AKNA: variants seen among roughly 807,000 people sequenced by gnomAD.
AKNA encodes the protein AT-hook transcription factor, also known as microtubule organization protein AKNA.
Under a neutral mutation model 138.8 loss-of-function variants are expected in AKNA, and 67 were observed. The ratio of observed to expected loss-of-function variants is 0.48; its 90% CI spans 0.40 to 0.59. The LOEUF is 0.59. Among genes scored for constraint, AKNA ranks in the 20% least tolerant of loss-of-function variants. AKNA has a pLI of 0.00. For missense variants in AKNA, 1,813 were observed against 1,880.4 expected, an observed-to-expected ratio of 0.96 and a Z score of 0.66; for synonymous variants, 737 against 754.4, an observed-to-expected ratio of 0.98 and a Z score of 0.38.
intron 21 of AKNA, among the ~76,000 whole-genome samples, chr9:114,337,948 G>A (rs528139230): frequency 9.0e-4 from 137 of 152,316 alleles, no homozygotes; most frequent in Non-Finnish European, 1.6e-3. Flanking sequence ...CCATTGAGAT[G>A]AAGCACGGAT....
chr9:114,344,335 G>A (rs558207750), intron 18 of AKNA: 27 of 155,850 alleles, frequency 1.7e-4, no homozygotes, highest in Non-Finnish European at 2.7e-4. Flanking sequence ...AGAACTGAAC[G>A]GGGCCGTATC....
At chr9:114,357,013 G>C in intron 12 of AKNA, 44 bp from the exon 13 acceptor site, 1 of 1,531,606 alleles carries the variant, frequency 6.5e-7, no homozygotes. Flanking sequence ...ATGTGTCCAA[G>C]GCACACTGGG....
chr9:114,379,877 A>G (rs908398016), intron 2 of AKNA, among the ~76,000 whole-genome samples: 2 of 152,346 alleles, frequency 1.3e-5, no homozygotes, highest in Non-Finnish European at 1.5e-5. Context: ...ATGTCCAGGC[A>G]TGACGGCTCG....
At position 114,376,874 on chromosome 9, in the gene AKNA, G is replaced by T. The variant is rs776996904; in HGVS notation, c.933C>A (p.Phe311Leu). 6.2e-7 allele frequency: 1 copy of T among 1,614,178 alleles called. No homozygotes were observed. The highest frequency in any genetic ancestry group is 1.3e-5 in the African/African-American group (1 of 75,068). The change falls in exon 3 of 22, where the codon TTC becomes TTA. Residue 311 changes from phenylalanine to leucine, a missense_variant. Coordinates refer to ENST00000374088, the MANE Select transcript of AKNA (RefSeq NM_001317950.2). Reference protein sequence around the residue: ...KTSPKPLPSRFIGSISPLNPQ... With the variant: ...KTSPKPLPSRLIGSISPLNPQ... ...GATTCAGGGGGCTGATGGAGCCAAT[G>T]AATCGGGAAGGGAGTGGCTTAGGTG...
At chr9:114,355,177 C>CTTTTTTT (rs901443083) in intron 14 of AKNA, among the ~76,000 whole-genome samples, 2 of 102,122 alleles carry the variant, frequency 2.0e-5, no homozygotes, top group African/African-American at 7.7e-5. Context: ...CTGTACTGTA[C>CTTTTTTT]TTTTTTTTTT....
At chr9:114,390,962 G>A (rs1834311907), upstream of AKNA, among the ~76,000 whole-genome samples, 1 of 152,188 alleles carries the variant, frequency 6.6e-6, no homozygotes, top group South Asian at 2.1e-4. Flanking sequence ...GCTCTGTGAG[G>A]CTCTCATCAT....
intron 2 of AKNA, among the ~76,000 whole-genome samples, chr9:114,380,203 T>C (rs981175477): frequency 1.3e-5 from 2 of 151,862 alleles, no homozygotes; most frequent in African/African-American, 4.8e-5. Context: ...GACTAAGTAA[T>C]TCAAATTACC....
chr9:114,375,842 G>A (rs1326661271), intron 3 of AKNA: 1 of 375,918 alleles, frequency 2.7e-6, no homozygotes, highest in Non-Finnish European at 5.3e-6. Context: ...CTTGAAACAC[G>A]AGTACAATCA....
chr9:114,393,022 G>A (rs1834405803), intron 1 of AKNA, among the ~76,000 whole-genome samples: 1 of 152,044 alleles, frequency 6.6e-6, no homozygotes, highest in South Asian at 2.1e-4. Context: ...TGCCAGGAAG[G>A]GACTGCTAAC....
chr9:114,358,204 C>G (rs1831650185), intron 11 of AKNA, 37 bp from the exon 12 acceptor site: 1 of 1,611,648 alleles, frequency 6.2e-7, no homozygotes, highest in Non-Finnish European at 8.5e-7. Flanking sequence ...TGAGTTCTGC[C>G]AGGCAGCCCT....
rs182662272 is a variant in AKNA at position 114,356,847 on chromosome 9, C to A, written c.2846+16G>T. ...GAATGTGGCACTGACGGGACAATGG[C>A]GGGATCCCGGGATACCTGATGTGGG... On this transcript the variant is annotated intron_variant, in intron 13 of 21. Transcript: ENST00000374088. The A allele has an allele frequency of 2.6e-6, 4 of 1,528,856 alleles. No individual in the cohort carries two copies. Among genetic ancestry groups the A allele is most frequent in the Middle Eastern group, 3.6e-4 (2 of 5,536 alleles). 94.7% of individuals were successfully genotyped at this position (1,528,856 alleles called of 1,614,324 possible).
intron 6 of AKNA, among the ~76,000 whole-genome samples, chr9:114,365,523 G>C (rs1832280735): frequency 6.6e-6 from 1 of 152,030 alleles, no homozygotes; most frequent in South Asian, 2.1e-4. Flanking sequence ...TTTTAAGAAA[G>C]CTCTAGATCA....
chr9:114,347,719 C>A lies in AKNA; in HGVS notation c.3398+5G>T, dbSNP rs1226979932. On this transcript the variant is annotated splice_donor_5th_base_variant and intron_variant, in intron 16 of 21. Transcript: ENST00000374088. ...GACAGAGGTGGGAGTTTTGAGGTCA[C>A]CCACCTGCCATAATGGGAGCCCCAG... 6.6e-7 allele frequency: 1 copy of A among 1,517,742 alleles called. No individual in the cohort carries two copies. The highest frequency in any genetic ancestry group is 2.3e-5 in the Admixed American group (1 of 43,764). 94.0% of individuals were successfully genotyped at this position (1,517,742 alleles called of 1,614,324 possible).
intron 14 of AKNA, among the ~76,000 whole-genome samples, chr9:114,353,626 A>G (rs1831286646): frequency 6.6e-6 from 1 of 152,170 alleles, no homozygotes; most frequent in African/African-American, 2.4e-5. Context: ...CCAGAAACAC[A>G]TTGTTATTCT....
Position 114,361,876 on chromosome 9 carries a change from C to T in AKNA, c.1952G>A (p.Cys651Tyr), listed in dbSNP as rs1831995499. 1.2e-6 allele frequency: 2 copies of T among 1,606,666 alleles called. No homozygotes were observed. The highest frequency in any genetic ancestry group is 1.3e-5 in the African/African-American group (1 of 75,012). ...TATGTGTTCCTTCAGCTCTTCCAGG[C>T]AGCTTCCCAGACGGTATATCTCTGC... The part of the protein sequence containing the change: ...LEAEIYRLGS[C>Y]LEELKEHIDQ... The change falls in exon 9 of 22, where the codon TGC (cysteine) becomes TAC (tyrosine). Residue 651 changes from cysteine to tyrosine, a missense_variant. By Grantham distance (194) the Cys-to-Tyr change is radical (BLOSUM62 -2). Transcript: ENST00000374088.
At chr9:114,349,962 C>A (rs180711824) in intron 15 of AKNA, among the ~76,000 whole-genome samples, 184 of 152,358 alleles carry the variant, frequency 1.2e-3, no homozygotes, top group African/African-American at 4.1e-3. Context: ...GGACCAGATG[C>A]TCCTTCGCTG....
At chr9:114,386,363 G>A (rs1353865004) in intron 1 of AKNA, among the ~76,000 whole-genome samples, 1 of 152,196 alleles carries the variant, frequency 6.6e-6, no homozygotes, top group Non-Finnish European at 1.5e-5. Flanking sequence ...GACTGGGGAG[G>A]GCATTCCAGG....
chr9:114,361,679 C>A (rs1259034851), intron 9 of AKNA, 25 bp downstream of exon 9: 3 of 1,611,392 alleles, frequency 1.9e-6, no homozygotes, highest in Non-Finnish European at 2.5e-6. Flanking sequence ...AGGGAACAGC[C>A]CAATATGGTT....
intron 7 of AKNA, among the ~76,000 whole-genome samples, chr9:114,364,101 C>A (rs117486765): frequency 2.0e-5 from 3 of 151,848 alleles, no homozygotes; most frequent in Non-Finnish European, 2.9e-5. Context: ...AAAGAAAAGG[C>A]CTTTTTCTGC....
Sources: allele counts gnomAD v4.1 joint callset (sites outside exome capture counted in the v4.1 genomes callset), GRCh38; gene constraint gnomAD v4.1.1; transcripts MANE v1.5; gene names NCBI Gene and HGNC (gene_info 2026-07-23, HGNC 2026-07-21).